MGST1: variants seen among roughly 807,000 people sequenced by gnomAD.
The protein encoded by MGST1 is microsomal glutathione S-transferase 1, also known as glutathione S-transferase 12.
Under a neutral mutation model 8.9 loss-of-function variants are expected in MGST1, and 5 were observed. The observed-to-expected ratio is 0.56, with a 90% CI of 0.29 to 1.19. The LOEUF (loss-of-function observed/expected upper bound fraction) is 1.19, where lower values mean the gene tolerates loss of function less well. MGST1 is among the 50% of genes most tolerant of loss of function. MGST1 has a pLI of 0.08. For missense variants in MGST1, 182 were observed against 187.4 expected (o/e 0.97, Z 0.17); for synonymous variants, 54 against 67.8 (o/e 0.80, Z 1.00).
chr12:16,408,546 T>C (rs139212907), intron 1 of MGST1, among the ~76,000 whole-genome samples: 1 of 152,334 alleles, frequency 6.6e-6, no homozygotes, highest in Non-Finnish European at 1.5e-5. Context: ...TGTACCTCTT[T>C]TAAAATTAAT....
intron 4 of MGST1, chr12:16,551,029 A>T: frequency 2.0e-6 from 1 of 496,962 alleles, no homozygotes; most frequent in Non-Finnish European, 3.6e-6. Context: ...TTCTTTAATA[A>T]TAAACATTCA....
At chr12:16,479,297 C>T (rs912540995) in intron 4 of MGST1, among the ~76,000 whole-genome samples, 5 of 133,844 alleles carry the variant, frequency 3.7e-5, no homozygotes, top group African/African-American at 8.5e-5. Flanking sequence ...TGTGGTGGCG[C>T]GATCTGGGCT....
At position 16,523,013 on chromosome 12, in the gene MGST1, G is replaced by A. The variant is rs77178864; in HGVS notation, n.483-66515G>A. Among the ~76,000 whole-genome samples, 1,273 of 151,850 alleles carry A rather than the reference G, an allele frequency of 8.4e-3. 48 individuals carry two copies. In the East Asian group the frequency reaches 0.14, roughly 16 times the overall value. Reference sequence around the variant, plus strand: ...TATCTAGAAATTAATAAAATATGAAGTGGGCTTTTTTTTTTAGTTTGAAAG... The same window carrying A: ...TATCTAGAAATTAATAAAATATGAAATGGGCTTTTTTTTTTAGTTTGAAAG... On this transcript the variant is annotated intron_variant and non_coding_transcript_variant, in intron 4 of 4. Coordinates refer to the MGST1 transcript ENST00000538857.
At chr12:16,539,034 C>T (rs953031753) in intron 4 of MGST1, among the ~76,000 whole-genome samples, 1 of 152,140 alleles carries the variant, frequency 6.6e-6, no homozygotes, top group African/African-American at 2.4e-5. Context: ...GGGGAAACCA[C>T]CCCCATGATT....
chr12:16,402,304 C>A lies in MGST1; in HGVS notation n.778+18700C>A, dbSNP rs571610215. On this transcript the variant is annotated intron_variant and non_coding_transcript_variant, in intron 1 of 1. Coordinates refer to the MGST1 transcript ENST00000359720. ...TTGGAATAAACAATTTCTTCATCAA[C>A]ACCCACTGATGCAACAATGGCTCAA... 1.5e-5 allele frequency: 24 copies of A among 1,593,518 alleles called. No individual in the cohort carries two copies. The South Asian group carries it at 2.6e-4, about 18-fold the overall frequency.
At chr12:16,385,356 G>A (rs1940495465) in intron 1 of MGST1, among the ~76,000 whole-genome samples, 2 of 152,110 alleles carry the variant, frequency 1.3e-5, no homozygotes, top group Non-Finnish European at 2.9e-5. Flanking sequence ...ATTAGGTGGA[G>A]GGAGGTTGGA....
intron 4 of MGST1, among the ~76,000 whole-genome samples, chr12:16,454,128 C>A (rs1222197949): frequency 1.3e-5 from 2 of 151,920 alleles, no homozygotes; most frequent in Non-Finnish European, 2.9e-5. Flanking sequence ...GATCACACAG[C>A]CAGTGGCAGA....
chr12:16,538,072 A>G (rs79521756), intron 4 of MGST1, among the ~76,000 whole-genome samples: 5,601 of 152,268 alleles, frequency 0.037, 340 homozygotes, highest in African/African-American at 0.13. Flanking sequence ...GAAAGCTTTT[A>G]TCAGCATCCA....
chr12:16,409,076 A>G (rs1940719158), intron 1 of MGST1, among the ~76,000 whole-genome samples: 1 of 152,062 alleles, frequency 6.6e-6, no homozygotes, highest in Non-Finnish European at 1.5e-5. Flanking sequence ...GTTGGGGATC[A>G]GTATTGTGTA....
At chr12:16,494,627 A>G (rs1941458800) in intron 4 of MGST1, among the ~76,000 whole-genome samples, 1 of 152,282 alleles carries the variant, frequency 6.6e-6, no homozygotes, top group Admixed American at 6.5e-5. Flanking sequence ...CACAGTTCAG[A>G]GGCCTTGCAT....
chr12:16,400,653 C>T lies in MGST1; in HGVS notation n.778+17049C>T, dbSNP rs571303460. The T allele has an allele frequency of 1.1e-5, 16 of 1,496,678 alleles. No individual in the cohort carries two copies. In the East Asian group the frequency reaches 2.7e-4, roughly 25 times the overall value. The allele number at this position is 1,496,678 out of a possible 1,614,324, so 92.7% of individuals were successfully genotyped here. A position where few individuals can be genotyped will look rare whatever the true frequency, so the allele number is the denominator to read the frequency against. On this transcript the variant is annotated intron_variant and non_coding_transcript_variant, in intron 1 of 1. Coordinates refer to the MGST1 transcript ENST00000359720. ...GTAATTTCTTTGACAAAAGTCGCTT[C>T]AGGGTTAGGAAAGATGTTGCCTTCA...
downstream of MGST1, among the ~76,000 whole-genome samples, chr12:16,593,055 A>G (rs1472804944): frequency 6.6e-6 from 1 of 151,900 alleles, no homozygotes; most frequent in Non-Finnish European, 1.5e-5. This position sits in a 1 kb window ranked among gnomAD's most constrained non-coding sequence, Gnocchi z 4.2. Flanking sequence ...TATCTGGATT[A>G]CTGTTAAACA....
At chr12:16,531,428 T>C (rs1399093485) in intron 4 of MGST1, among the ~76,000 whole-genome samples, 6 of 151,616 alleles carry the variant, frequency 4.0e-5, no homozygotes, top group Non-Finnish European at 8.8e-5. Flanking sequence ...TGTATAGAGG[T>C]AGAAGAAAAA....
At chr12:16,575,299 C>T (rs1454602226) in intron 4 of MGST1, among the ~76,000 whole-genome samples, 2 of 152,186 alleles carry the variant, frequency 1.3e-5, no homozygotes, top group African/African-American at 2.4e-5. Context: ...ACACACTAAA[C>T]GTCATACTGT....
chr12:16,372,300 A>G (rs1191927243), intron 3 of MGST1, among the ~76,000 whole-genome samples: 1 of 152,086 alleles, frequency 6.6e-6, no homozygotes, highest in Non-Finnish European at 1.5e-5. Flanking sequence ...GATTAATAAC[A>G]AGAACATATA....
rs1940013106 is a variant in MGST1, at chr12:16,361,884, A to G, written c.222-1911A>G. Among the ~76,000 whole-genome samples the G allele has an allele frequency of 6.6e-6, 1 of 152,162 alleles. No homozygotes were observed. Among genetic ancestry groups the G allele is most frequent in the South Asian group, 2.1e-4 (1 of 4,834 alleles). On this transcript the variant is annotated intron_variant, in intron 3 of 3. Transcript: ENST00000396210. The surrounding 1 kb of genome is among the most constrained non-coding windows in gnomAD (Gnocchi z 4.2). ...AAACATGCAGGAGCTAGAAAGGTAA[A>G]GGAACCCCTGCCCCTTGACCTTCCT...
At chr12:16,578,075 A>G (rs1330310211) in intron 4 of MGST1, among the ~76,000 whole-genome samples, 1 of 152,182 alleles carries the variant, frequency 6.6e-6, no homozygotes, top group African/African-American at 2.4e-5. Flanking sequence ...TAAGAAATAT[A>G]TTCTGTCCTC....
chr12:16,507,521 T>C (rs1377196839), intron 4 of MGST1, among the ~76,000 whole-genome samples: 1 of 152,112 alleles, frequency 6.6e-6, no homozygotes, highest in Non-Finnish European at 1.5e-5. Context: ...AGAGGAGGAA[T>C]GGATTAGTTC....
chr12:16,540,194 T>A (rs987680950), intron 4 of MGST1, among the ~76,000 whole-genome samples: 1 of 152,208 alleles, frequency 6.6e-6, no homozygotes, highest in Non-Finnish European at 1.5e-5. Flanking sequence ...CTACTTGATC[T>A]TGGAGCCTTG....
Sources: allele counts gnomAD v4.1 joint callset (sites outside exome capture counted in the v4.1 genomes callset), GRCh38; gene constraint gnomAD v4.1.1; non-coding constraint Gnocchi (gnomAD v3.1); transcripts MANE v1.5; gene names NCBI Gene and HGNC (gene_info 2026-07-23, HGNC 2026-07-21).